The following KLHL14 variants were observed in gnomAD, a reference collection of about 807,000 sequenced individuals.
KLHL14 encodes kelch like family member 14, also known as kelch-like protein 14.
A neutral mutation model predicts 64.3 loss-of-function variants in KLHL14; 22 were observed. The observed-to-expected ratio is 0.34, with a 90% CI of 0.24 to 0.49. The LOEUF (loss-of-function observed/expected upper bound fraction) is 0.49, where lower values mean the gene tolerates loss of function less well. Ranked by LOEUF, KLHL14 falls within the 20% of genes least tolerant of loss-of-function variation. The probability of loss-of-function intolerance (pLI) is 0.99; values close to 1 mark genes in which losing one functional copy is unlikely to be tolerated. For missense variants in KLHL14, 661 were observed against 789.0 expected, an observed-to-expected ratio of 0.84 and a Z score of 1.94; for synonymous variants, 322 against 333.4, an observed-to-expected ratio of 0.97 and a Z score of 0.37.
chr18:32,706,281 T>C (rs965868027), intron 3 of KLHL14, among the ~76,000 whole-genome samples: 15 of 152,128 alleles, frequency 9.9e-5, no homozygotes, highest in African/African-American at 3.6e-4. Flanking sequence ...CAGTCCGTGA[T>C]CTTAGGAGAT....
At chr18:32,719,752 A>C (rs1362024335) in intron 3 of KLHL14, among the ~76,000 whole-genome samples, 1 of 152,236 alleles carries the variant, frequency 6.6e-6, no homozygotes, top group African/African-American at 2.4e-5. Context: ...GTCACAAAAC[A>C]ACAAGCTTTC....
intron 2 of KLHL14, among the ~76,000 whole-genome samples, chr18:32,749,085 A>G (rs2050239155): frequency 6.6e-6 from 1 of 152,218 alleles, no homozygotes; most frequent in Non-Finnish European, 1.5e-5. Context: ...TAAAGATAAT[A>G]AAGAGTTGTA....
rs747648184 is a variant in KLHL14 at position 32,769,926 on chromosome 18, G to A, written c.666C>T (p.Arg222=). The part of the protein sequence containing the change: ...DVLLLNFEEM[R]ALLDSLPPPV... ...GGGGCGGCAGCGAGTCCAGCAGGGC[G>A]CGCATCTCCTCGAAGTTGAGCAGCA... The change falls in exon 2 of 9, where the codon CGC becomes CGT. Residue 222 remains arginine (R), a synonymous_variant. Transcript: ENST00000359358. The A allele has an allele frequency of 4.3e-6, 7 of 1,614,072 alleles. No homozygotes were observed. Among genetic ancestry groups the A allele is most frequent in the East Asian group, 2.2e-5 (1 of 44,880 alleles).
chr18:32,674,737 C>T lies in KLHL14; in HGVS notation c.1807G>A (p.Glu603Lys), dbSNP rs749816647. The T allele has an allele frequency of 2.3e-5, 18 of 780,860 alleles. No homozygotes were observed. The Middle Eastern group carries it at 2.7e-3, about 117-fold the overall frequency. 48.4% of individuals were successfully genotyped at this position (780,860 alleles called of 1,614,324 possible). ...GCCAACGGTTCTGCTACATCTCCTT[C>T]GAGTTCTGTCCAGGTTCCTTTCTCT... The part of the protein sequence containing the change: ...CPEKGTWTEL[E>K]GDVAEPLAGP... The change falls in exon 9 of 9, where the codon GAA becomes AAA. Residue 603 changes from glutamate (E) to lysine (K), a missense_variant. Physicochemically the swap from Glu to Lys is moderately conservative, Grantham distance 56 (BLOSUM62 1). This residue lies in a region of KLHL14 where 330 missense variants were observed against 450.0 expected (regional missense o/e 0.73). Coordinates refer to ENST00000359358, the MANE Select transcript of KLHL14 (RefSeq NM_020805.3).
chr18:32,701,200 A>C (rs564038296), intron 3 of KLHL14, among the ~76,000 whole-genome samples: 2 of 152,336 alleles, frequency 1.3e-5, no homozygotes, highest in African/African-American at 4.8e-5. Context: ...CACTCACTAG[A>C]TGCAGACACC....
intron 2 of KLHL14, among the ~76,000 whole-genome samples, chr18:32,765,193 G>C (rs767196570): frequency 3.9e-5 from 6 of 152,194 alleles, no homozygotes; most frequent in Non-Finnish European, 8.8e-5. Flanking sequence ...TGTATGTGAA[G>C]TGCGTCAACA....
chr18:32,735,772 A>T (rs149844942), intron 3 of KLHL14, among the ~76,000 whole-genome samples: 9 of 152,180 alleles, frequency 5.9e-5, no homozygotes, highest in South Asian at 2.1e-4. Context: ...CCCTCTCTAA[A>T]CTATTAACAT....
At chr18:32,677,062 AAG>A in intron 8 of KLHL14, 109 bp downstream of exon 8, 1 of 1,157,412 alleles carries the variant, frequency 8.6e-7, no homozygotes, top group Non-Finnish European at 1.2e-6. Flanking sequence ...GCTTGCATGT[AAG>A]TATGATACTC....
At chr18:32,702,335 T>C (rs1385227174) in intron 3 of KLHL14, among the ~76,000 whole-genome samples, 2 of 130,090 alleles carry the variant, frequency 1.5e-5, no homozygotes, top group African/African-American at 7.1e-5. Flanking sequence ...CTCTTAGAGG[T>C]TTTTTGTTTT....
chr18:32,734,657 G>A (rs1228827940), intron 3 of KLHL14, among the ~76,000 whole-genome samples: 4 of 152,132 alleles, frequency 2.6e-5, no homozygotes, highest in Non-Finnish European at 5.9e-5. Flanking sequence ...AGCAAAAATA[G>A]AATAAAAATG....
At chr18:32,704,414 G>A (rs2049980366) in intron 3 of KLHL14, among the ~76,000 whole-genome samples, 1 of 152,112 alleles carries the variant, frequency 6.6e-6, no homozygotes, top group Non-Finnish European at 1.5e-5. Context: ...CAAGGTATCA[G>A]AAGGTCTAAT....
intron 3 of KLHL14, among the ~76,000 whole-genome samples, chr18:32,727,837 G>T (rs959780889): frequency 6.6e-5 from 10 of 152,118 alleles, no homozygotes; most frequent in African/African-American, 2.4e-4. Context: ...ATGGACAGAG[G>T]AGTACCCCCA....
At chr18:32,734,392 C>T in intron 3 of KLHL14, 1 of 618,478 alleles carries the variant, frequency 1.6e-6, no homozygotes. Context: ...GGAGCAGATG[C>T]CCTCTATCAA....
intron 3 of KLHL14, among the ~76,000 whole-genome samples, chr18:32,711,929 G>A (rs2050021454): frequency 6.6e-6 from 1 of 152,222 alleles, no homozygotes; most frequent in Admixed American, 6.5e-5. Flanking sequence ...ACATCGCTAT[G>A]TGAATAAGCC....
chr18:32,736,682 A>G (rs945605820), intron 3 of KLHL14, among the ~76,000 whole-genome samples: 6 of 152,096 alleles, frequency 3.9e-5, no homozygotes, highest in African/African-American at 1.4e-4. Context: ...TTTCCTATAG[A>G]TACACAAATT....
At chr18:32,693,208 C>A (rs916562777) in intron 4 of KLHL14, among the ~76,000 whole-genome samples, 1 of 152,126 alleles carries the variant, frequency 6.6e-6, no homozygotes, top group African/African-American at 2.4e-5. Flanking sequence ...AAAAGGCTGG[C>A]CTGCTTGCCG....
intron 4 of KLHL14, among the ~76,000 whole-genome samples, chr18:32,690,779 T>G (rs2049903597): frequency 1.3e-5 from 2 of 151,994 alleles, no homozygotes; most frequent in South Asian, 4.2e-4. Context: ...AGAAAAGAAG[T>G]TGAAGGAACC....
At chr18:32,723,751 C>T (rs146877385) in intron 3 of KLHL14, among the ~76,000 whole-genome samples, 256 of 152,260 alleles carry the variant, frequency 1.7e-3, no homozygotes, top group African/African-American at 6.0e-3. Context: ...CAGTGCCCCT[C>T]TTACTAGCAC....
At chr18:32,694,314 G>A (rs1880113) in intron 4 of KLHL14, among the ~76,000 whole-genome samples, 32,648 of 152,220 alleles carry the variant, frequency 0.21, 4,007 homozygotes, top group Non-Finnish European at 0.28. Flanking sequence ...AGAAGGATAA[G>A]TTAAATAGTA....
Sources: gnomAD v4.1 joint callset for allele counts (sites outside exome capture counted in the v4.1 genomes callset) on GRCh38, gnomAD v4.1.1 for gene constraint, gnomAD v4.1.1 regional missense constraint, MANE v1.5 for transcripts, NCBI Gene and HGNC (gene_info 2026-07-23, HGNC 2026-07-21) for gene names.